The following ENPP6 variants were observed in gnomAD, a reference collection of about 807,000 sequenced individuals.
ENPP6 encodes the protein ectonucleotide pyrophosphatase/phosphodiesterase 6.
ENPP6 carries 32 observed loss-of-function variants against 42.0 expected under a neutral mutation model. The observed-to-expected ratio is 0.76, with a 90% CI of 0.58 to 1.02. The LOEUF (loss-of-function observed/expected upper bound fraction) is 1.02, where lower values mean the gene tolerates loss of function less well. Among genes scored for constraint, ENPP6 ranks in the 50% least tolerant of loss-of-function variants. The pLI is 0.00. For missense variants in ENPP6, 552 were observed against 566.8 expected, an observed-to-expected ratio of 0.97 and a Z score of 0.27; for synonymous variants, 213 against 216.0, an observed-to-expected ratio of 0.99 and a Z score of 0.12.
At position 184,132,096 on chromosome 4, in the gene ENPP6, G is replaced by C. The variant is rs186267082; in HGVS notation, c.422-7824C>G. Among the ~76,000 whole-genome samples the C allele has an allele frequency of 2.0e-5, 3 of 152,262 alleles. No homozygotes were observed. The East Asian group carries it at 5.8e-4, about 29-fold the overall frequency. On this transcript the variant is annotated intron_variant, in intron 2 of 7. Coordinates refer to ENST00000296741, the MANE Select transcript of ENPP6 (RefSeq NM_153343.4). ...TTCTATTCAGGCCCTCAAGGGATTG[G>C]ATGATGGCCACCCACATTGGGGAGG...
At chr4:184,144,584 G>C (rs1357339907) in intron 2 of ENPP6, among the ~76,000 whole-genome samples, 2 of 152,216 alleles carry the variant, frequency 1.3e-5, no homozygotes, top group African/African-American at 4.8e-5. Context: ...GCTTCCCAGG[G>C]AGCCTGACGT....
At chr4:184,115,838 C>T (rs770249573) in intron 5 of ENPP6, among the ~76,000 whole-genome samples, 8 of 152,176 alleles carry the variant, frequency 5.3e-5, no homozygotes, top group Non-Finnish European at 1.2e-4. Flanking sequence ...CTGGCAGAAG[C>T]CTCTTTCCTG....
chr4:184,185,699 T>C (rs1408379708), intron 1 of ENPP6, among the ~76,000 whole-genome samples: 1 of 152,208 alleles, frequency 6.6e-6, no homozygotes, highest in Non-Finnish European at 1.5e-5. Context: ...ACAAGACAAC[T>C]GGCTGGGATT....
chr4:184,167,946 A>G (rs896592876), intron 1 of ENPP6, among the ~76,000 whole-genome samples: 6 of 152,164 alleles, frequency 3.9e-5, no homozygotes, highest in Non-Finnish European at 8.8e-5. Flanking sequence ...GGGATCAAAG[A>G]GCAACTCAAG....
Position 184,172,592 on chromosome 4 carries a change from G to A in ENPP6, c.242-18859C>T, listed in dbSNP as rs530691257. On this transcript the variant is annotated intron_variant, in intron 1 of 7. Transcript: ENST00000296741. Reference sequence around the variant, plus strand: ...GGGAGGACATAAGGCGGCCTGGACCGGAGTGAGCAGTGGGCGCAGTGAACG... The same window carrying A: ...GGGAGGACATAAGGCGGCCTGGACCAGAGTGAGCAGTGGGCGCAGTGAACG... Among the ~76,000 whole-genome samples, 318 of 152,260 alleles carry A rather than the reference G, an allele frequency of 2.1e-3. 13 individuals carry two copies. The South Asian group carries it at 0.062, about 30-fold the overall frequency.
chr4:184,217,769 G>A lies in ENPP6; in HGVS notation c.51C>T (p.Ala17=). 1.9e-6 allele frequency: 3 copies of A among 1,614,024 alleles called. No individual in the cohort carries two copies. The highest frequency in any genetic ancestry group is 2.5e-6 in the Non-Finnish European group (3 of 1,180,030). ...GCTTCCGGCGGGCAGAGGCTGGCTGGGCCAGGCCCAGGGCAAGGGCCAGCA... is the reference window on the plus strand; with the variant it reads ...GCTTCCGGCGGGCAGAGGCTGGCTGAGCCAGGCCCAGGGCAAGGGCCAGCA... ...TLLLALALGL[A]QPASARRKLL... Residue 17 remains alanine (A), a synonymous_variant, in exon 1 of 8, where the codon GCC becomes GCT. Coordinates refer to ENST00000296741, the MANE Select transcript of ENPP6 (RefSeq NM_153343.4).
intron 1 of ENPP6, among the ~76,000 whole-genome samples, chr4:184,198,299 C>T (rs577065929): frequency 6.6e-6 from 1 of 152,218 alleles, no homozygotes; most frequent in Non-Finnish European, 1.5e-5. Flanking sequence ...CACTGGTCCC[C>T]AACGTGGAGA....
At chr4:184,117,926 A>G in intron 3 of ENPP6, 26 bp from the exon 4 acceptor site, 1 of 1,609,176 alleles carries the variant, frequency 6.2e-7, no homozygotes. Context: ...AGAGAGGCAT[A>G]GGTGAGGGAG....
intron 2 of ENPP6, among the ~76,000 whole-genome samples, chr4:184,131,977 G>C (rs949827018): frequency 6.6e-6 from 1 of 152,138 alleles, no homozygotes; most frequent in Non-Finnish European, 1.5e-5. Context: ...CAGTCTGAAG[G>C]CCTGAGAACC....
intron 1 of ENPP6, among the ~76,000 whole-genome samples, chr4:184,205,329 G>A (rs1316606551): frequency 1.4e-4 from 21 of 152,238 alleles, no homozygotes. Flanking sequence ...CGCTGGTGGG[G>A]TGGCTGGGGA....
In ENPP6 at chr4:184,090,910, A is replaced by G. The variant is rs761232703; in HGVS notation, c.*267T>C. 6.6e-6 allele frequency: 3 copies of G among 454,356 alleles called. No homozygotes were observed. The highest frequency in any genetic ancestry group is 1.1e-5 in the Non-Finnish European group (3 of 260,888). 28.1% of individuals were successfully genotyped at this position (454,356 alleles called of 1,614,324 possible). On this transcript the variant is annotated 3_prime_UTR_variant, in exon 8 of 8. Transcript: ENST00000296741. ...GTCCCTGCTCAGAGAGTTCATCCTG[A>G]GTAACGTGAAAAGAAAGGAGAAAAT...
chr4:184,131,003 C>T (rs1736596666), intron 2 of ENPP6, among the ~76,000 whole-genome samples: 1 of 152,124 alleles, frequency 6.6e-6, no homozygotes, highest in Non-Finnish European at 1.5e-5. Flanking sequence ...TTCTTTGGTG[C>T]TCATAGGTAT....
intron 2 of ENPP6, among the ~76,000 whole-genome samples, chr4:184,128,342 G>A (rs1407553649): frequency 1.3e-5 from 2 of 152,046 alleles, no homozygotes; most frequent in Admixed American, 1.3e-4. Context: ...CACCATGCCT[G>A]GCTAATTTTT....
Position 184,112,705 on chromosome 4 carries a change from A to T in ENPP6, c.960T>A (p.Thr320=). ...YKKGKFVSPL[T]LVADEGWFIT... is the part of the protein sequence containing the mutation. Reference sequence around the variant, plus strand: ...TGAACCAGCCTTCATCAGCCACTAAAGTCAAAGGAGAGACAAACTTTCCTT... The same window carrying T: ...TGAACCAGCCTTCATCAGCCACTAATGTCAAAGGAGAGACAAACTTTCCTT... Residue 320 remains threonine (T), a synonymous_variant, in exon 6 of 8, where the codon ACT becomes ACA. Transcript: ENST00000296741. 6.2e-7 allele frequency: 1 copy of T among 1,614,158 alleles called. No individual in the cohort carries two copies. The highest frequency in any genetic ancestry group is 1.3e-5 in the African/African-American group (1 of 75,052).
rs79525968 is a variant in ENPP6, at chr4:184,193,828, C to G, written c.241+23751G>C. The stretch of plus-strand genomic sequence containing the variant: ...AGCATTTTTCCTCCTTTCCAGCTCC[C>G]TAGGGGTTTTGCAAACTCTGCTGCT... On this transcript the variant is annotated intron_variant, in intron 1 of 7. Transcript: ENST00000296741. Among the ~76,000 whole-genome samples the G allele has an allele frequency of 2.4e-3, 362 of 152,306 alleles. 2 individuals carry two copies. The highest frequency in any genetic ancestry group is 8.2e-3 in the African/African-American group (342 of 41,570).
At chr4:184,160,976 C>T (rs1737248806) in intron 1 of ENPP6, among the ~76,000 whole-genome samples, 1 of 152,116 alleles carries the variant, frequency 6.6e-6, no homozygotes, top group Non-Finnish European at 1.5e-5. Context: ...TCCAACTGAA[C>T]ATTAGACATT....
At chr4:184,190,427 C>T (rs10520559) in intron 1 of ENPP6, among the ~76,000 whole-genome samples, 72,881 of 151,958 alleles carry the variant, frequency 0.48, 17,624 homozygotes, top group East Asian at 0.64. Context: ...GGAGATATGT[C>T]TGAGCTGATC....
At chr4:184,125,975 G>C (rs897113494) in intron 2 of ENPP6, among the ~76,000 whole-genome samples, 1 of 152,124 alleles carries the variant, frequency 6.6e-6, no homozygotes, top group Non-Finnish European at 1.5e-5. Context: ...CTCAGTGCCA[G>C]AAACCCCAAA....
chr4:184,112,071 G>A (rs568631699), intron 6 of ENPP6, among the ~76,000 whole-genome samples: 2 of 152,098 alleles, frequency 1.3e-5, no homozygotes, highest in East Asian at 1.9e-4. Flanking sequence ...AACATGACAC[G>A]ACTGCAGACT....
Sources: gnomAD v4.1 joint callset for allele counts (sites outside exome capture counted in the v4.1 genomes callset) on GRCh38, gnomAD v4.1.1 for gene constraint, MANE v1.5 for transcripts, NCBI Gene and HGNC (gene_info 2026-07-23, HGNC 2026-07-21) for gene names.